Variants in PDE8A observed in about 807,000 individuals in gnomAD.
PDE8A encodes phosphodiesterase 8A.
In PDE8A, 59 loss-of-function variants were observed where a neutral mutation model predicts 105.0. The ratio of observed to expected loss-of-function variants is 0.56; its 90% confidence interval spans 0.46 to 0.70. PDE8A has a LOEUF of 0.70. Ranked by LOEUF, PDE8A falls within the 30% of genes least tolerant of loss-of-function variation. The pLI is 0.00. For missense variants in PDE8A, 1,014 were observed against 1,045.9 expected (o/e 0.97, Z 0.42); for synonymous variants, 355 against 371.9 (o/e 0.95, Z 0.52).
rs1333580645 is a variant in PDE8A at position 85,090,697 on chromosome 15, C to T, written c.715-347C>T. ...GGTGCTTTATTCCATCATCCCCCCA[C>T]CCCCACCCCCATCTAAACAGCCCTG... On this transcript the variant is annotated intron_variant, in intron 7 of 21. Coordinates refer to ENST00000394553, the MANE Select transcript of PDE8A (RefSeq NM_002605.3). The T allele has an allele frequency of 3.6e-5, 15 of 419,104 alleles. No homozygotes were observed. In the Admixed American group the frequency reaches 3.7e-4, roughly 10 times the overall value. 26.0% of individuals were successfully genotyped at this position (419,104 alleles called of 1,614,324 possible).
In PDE8A at chr15:85,006,076, A is replaced by G. The variant is rs574153944; in HGVS notation, c.186+23728A>G. 4.6e-5 allele frequency among the ~76,000 whole-genome samples: 7 copies of G among 151,814 alleles called. No homozygotes were observed. The South Asian group carries it at 1.5e-3, about 32-fold the overall frequency. On this transcript the variant is annotated intron_variant, in intron 1 of 21. Coordinates refer to ENST00000394553, the MANE Select transcript of PDE8A (RefSeq NM_002605.3). ...AGTTTCTGAGCTCAGACCTAAAGAA[A>G]TTATTCTCTCAGGAAGGGGAACATC...
chr15:85,087,334 C>CT (rs1457251240), intron 6 of PDE8A, among the ~76,000 whole-genome samples: 1 of 152,102 alleles, frequency 6.6e-6, no homozygotes, highest in Non-Finnish European at 1.5e-5. Flanking sequence ...TCTCAAGTAG[C>CT]TAGGACTACA....
chr15:85,035,801 T>C (rs1189303132), intron 1 of PDE8A, among the ~76,000 whole-genome samples: 2 of 152,248 alleles, frequency 1.3e-5, no homozygotes, highest in African/African-American at 4.8e-5. Context: ...CTTTCTGAAG[T>C]GTCATAATAT....
intron 8 of PDE8A, among the ~76,000 whole-genome samples, chr15:85,092,533 T>C (rs2081663286): frequency 6.6e-6 from 1 of 151,942 alleles, no homozygotes; most frequent in African/African-American, 2.4e-5. Flanking sequence ...ACAGCAGCCA[T>C]GGTGGGGGTG....
rs748220659 is a variant in PDE8A at position 85,126,315 on chromosome 15, C to T, written c.2194C>T (p.Arg732Ter). 4 of 1,612,716 alleles carry T rather than the reference C, an allele frequency of 2.5e-6. No homozygotes were observed. Among genetic ancestry groups the T allele is most frequent in the South Asian group, 2.2e-5 (2 of 90,858 alleles). Residue 732 changes from arginine (R) to a stop codon, truncating the protein, a stop_gained, in exon 20 of 22, where the codon CGA becomes TGA. Transcript: ENST00000394553. LOFTEE classifies it high-confidence loss of function. ...ATGTGCTGATGTGTCCAATCCCTGCCGACCCCTGCAGTACTGCATCGAGTG... is the reference window on the plus strand; with the variant it reads ...ATGTGCTGATGTGTCCAATCCCTGCTGACCCCTGCAGTACTGCATCGAGTG... The part of the protein sequence containing the change: ...IKCADVSNPC[R>*]PLQYCIEWAA...
intron 17 of PDE8A, chr15:85,120,194 A>T (rs2082159803): frequency 6.6e-6 from 1 of 151,878 alleles, no homozygotes; most frequent in Admixed American, 6.6e-5. Flanking sequence ...AGTAATTTTT[A>T]AATTATTATT....
At chr15:85,066,556 C>T (rs1011752219) in intron 2 of PDE8A, among the ~76,000 whole-genome samples, 2 of 144,886 alleles carry the variant, frequency 1.4e-5, no homozygotes, top group Admixed American at 7.1e-5. Flanking sequence ...AGAGGAAGAC[C>T]CTGTTGCCCA....
chr15:85,056,854 C>T (rs2081068110), intron 1 of PDE8A, among the ~76,000 whole-genome samples: 1 of 152,224 alleles, frequency 6.6e-6, no homozygotes, highest in Non-Finnish European at 1.5e-5. Flanking sequence ...TGTTCCATTG[C>T]TGGCGAGGAG....
At chr15:85,057,359 C>T (rs1294700576) in intron 1 of PDE8A, among the ~76,000 whole-genome samples, 3 of 152,238 alleles carry the variant, frequency 2.0e-5, no homozygotes, top group Non-Finnish European at 4.4e-5. Flanking sequence ...ACGTTTAAGT[C>T]TGCAGAAGTT....
chr15:85,134,873 G>T (rs1046894056), intron 20 of PDE8A, among the ~76,000 whole-genome samples: 1 of 151,940 alleles, frequency 6.6e-6, no homozygotes, highest in African/African-American at 2.4e-5. Context: ...AGAGCCTGAG[G>T]TGCTGGGCCA....
At chr15:85,023,135 C>T (rs1204472512) in intron 1 of PDE8A, among the ~76,000 whole-genome samples, 1 of 152,112 alleles carries the variant, frequency 6.6e-6, no homozygotes, top group African/African-American at 2.4e-5. Context: ...GAGTTGTTCC[C>T]TAATTGCCTC....
intron 1 of PDE8A, among the ~76,000 whole-genome samples, chr15:85,012,249 G>A (rs188295): frequency 0.75 from 113,334 of 151,960 alleles, 42,363 homozygotes; most frequent in Non-Finnish European, 0.77. Flanking sequence ...ACATGCACAC[G>A]TATGTTTATT....
At chr15:85,035,946 T>G (rs2080699565) in intron 1 of PDE8A, among the ~76,000 whole-genome samples, 1 of 152,238 alleles carries the variant, frequency 6.6e-6, no homozygotes, top group African/African-American at 2.4e-5. Context: ...GATTCTAGTT[T>G]AAATGACATC....
At chr15:84,996,118 G>A (rs1389236222) in intron 1 of PDE8A, among the ~76,000 whole-genome samples, 1 of 151,960 alleles carries the variant, frequency 6.6e-6, no homozygotes, top group African/African-American at 2.4e-5. Context: ...GACCTCTCAT[G>A]TGCATTGCAA....
intron 1 of PDE8A, among the ~76,000 whole-genome samples, chr15:85,055,620 C>G (rs912876000): frequency 2.6e-5 from 4 of 152,288 alleles, no homozygotes; most frequent in African/African-American, 9.6e-5. Flanking sequence ...TTATCAGAGA[C>G]TAGGATTGCA....
rs2080497376 is a variant in PDE8A at position 85,025,337 on chromosome 15, C to G, written c.187-39033C>G. 2.0e-5 allele frequency among the ~76,000 whole-genome samples: 3 copies of G among 152,024 alleles called. No homozygotes were observed. The South Asian group carries it at 6.2e-4, about 32-fold the overall frequency. Reference sequence around the variant, plus strand: ...TGAGGTGCTTGAAGAGCTTCCCTTTCATTTGGGAGGCTTCCTCAGTGCCCC... The same window carrying G: ...TGAGGTGCTTGAAGAGCTTCCCTTTGATTTGGGAGGCTTCCTCAGTGCCCC... On this transcript the variant is annotated intron_variant, in intron 1 of 21. Transcript: ENST00000394553.
intron 1 of PDE8A, among the ~76,000 whole-genome samples, chr15:84,996,834 A>ATC (rs2079986056): frequency 7.6e-6 from 1 of 132,236 alleles, no homozygotes; most frequent in African/African-American, 3.7e-5. Context: ...AAAAAAAAAA[A>ATC]AAAAAAAAAA....
intron 1 of PDE8A, among the ~76,000 whole-genome samples, chr15:85,000,377 G>A (rs866938686): frequency 6.6e-6 from 1 of 152,216 alleles, no homozygotes; most frequent in Non-Finnish European, 1.5e-5. Context: ...ACAGTTTTCA[G>A]TGCCAAAAGC....
At chr15:85,008,982 C>G (rs1287552748) in intron 1 of PDE8A, among the ~76,000 whole-genome samples, 1 of 152,152 alleles carries the variant, frequency 6.6e-6, no homozygotes, top group Non-Finnish European at 1.5e-5. Context: ...TGTTCTGACA[C>G]TGGGCCCATG....
Sources: allele counts gnomAD v4.1 joint callset (sites outside exome capture counted in the v4.1 genomes callset), GRCh38; gene constraint gnomAD v4.1.1; transcripts MANE v1.5; gene names NCBI Gene and HGNC (gene_info 2026-07-23, HGNC 2026-07-21).